HTR3B: variants seen among roughly 807,000 people sequenced by gnomAD.
The protein encoded by HTR3B is 5-hydroxytryptamine (serotonin) receptor 3B, ionotropic.
Under a neutral mutation model 42.8 loss-of-function variants are expected in HTR3B, and 44 were observed. That is an observed-to-expected ratio of 1.03 (90% confidence interval 0.81 to 1.32). The LOEUF (loss-of-function observed/expected upper bound fraction) is 1.32, where lower values mean the gene tolerates loss of function less well. Ranked by LOEUF, HTR3B falls within the 40% of genes most tolerant of loss-of-function variation. The pLI is 0.00. For synonymous variants in HTR3B, 203 were observed against 209.0 expected (o/e 0.97, Z 0.25); for missense variants, 527 against 536.5 (o/e 0.98, Z 0.17).
rs1340828652 is a variant in HTR3B at position 113,944,548 on chromosome 11, C to G, written c.908-25C>G. ...TGCTGCATTTCAGACTGGAGGCTAA[C>G]TGCACCTCTTCTGGCTTCTCTCAGG... On this transcript the variant is annotated intron_variant, in intron 7 of 8. Coordinates refer to ENST00000260191, the MANE Select transcript of HTR3B (RefSeq NM_006028.5). The G allele has an allele frequency of 8.1e-6, 13 of 1,606,352 alleles. No individual in the cohort carries two copies. In the Middle Eastern group the frequency reaches 6.6e-4, roughly 82 times the overall value.
intron 7 of HTR3B, among the ~76,000 whole-genome samples, chr11:113,943,859 G>A (rs1287491620): frequency 6.6e-6 from 1 of 151,076 alleles, no homozygotes; most frequent in Non-Finnish European, 1.5e-5. Context: ...AAGAAAGAGA[G>A]AAAGAGAGAA....
intron 2 of HTR3B, among the ~76,000 whole-genome samples, chr11:113,927,350 C>G (rs1949985486): frequency 6.6e-6 from 1 of 152,026 alleles, no homozygotes; most frequent in African/African-American, 2.4e-5. Flanking sequence ...TGTGGGACAG[C>G]TTGGTAACTT....
intron 2 of HTR3B, among the ~76,000 whole-genome samples, chr11:113,928,234 C>T (rs1055863940): frequency 1.3e-5 from 2 of 152,170 alleles, no homozygotes; most frequent in South Asian, 2.1e-4. Context: ...TTTATGGCTG[C>T]ATGGTATTCC....
At position 113,926,468 on chromosome 11, in the gene HTR3B, TTTTCCTTTCCTTTCC is replaced by T. The variant is rs59706001; in HGVS notation, c.214-4862_214-4848del. Among the ~76,000 whole-genome samples the T allele has an allele frequency of 8.5e-3, 682 of 80,306 alleles. 2 individuals carry two copies. Among genetic ancestry groups the T allele is most frequent in the African/African-American group, 0.026 (499 of 19,238 alleles). The allele number at this position is 80,306 out of a possible 152,430, so 52.7% of individuals were successfully genotyped here. On this transcript the variant is annotated intron_variant, in intron 2 of 8. Coordinates refer to ENST00000260191, the MANE Select transcript of HTR3B (RefSeq NM_006028.5). ...ACTGCTTTTCCTTTCCTTTCCTTTC[TTTTCCTTTCCTTTCC>T]TTTCCTTTCCTTTCCTTTCCTTTCC...
intron 6 of HTR3B, among the ~76,000 whole-genome samples, chr11:113,942,382 T>C (rs1052383698): frequency 6.6e-6 from 1 of 152,170 alleles, no homozygotes; most frequent in African/African-American, 2.4e-5. Context: ...GAGAATTGCT[T>C]GAGCCTGGGA....
At chr11:113,908,139 C>T (rs1949747723) in intron 1 of HTR3B, among the ~76,000 whole-genome samples, 1 of 152,174 alleles carries the variant, frequency 6.6e-6, no homozygotes, top group Admixed American at 6.5e-5. Flanking sequence ...GTGTATATTG[C>T]ACTGCCCACA....
At chr11:113,922,557 ATT>A (rs1189204923) in intron 2 of HTR3B, among the ~76,000 whole-genome samples, 14 of 150,030 alleles carry the variant, frequency 9.3e-5, no homozygotes, top group Non-Finnish European at 1.6e-4. Flanking sequence ...TATTTTATTT[ATT>A]TATTTTTTCT....
At chr11:113,906,278 GT>G (rs1274948169) in intron 1 of HTR3B, among the ~76,000 whole-genome samples, 34 of 152,210 alleles carry the variant, frequency 2.2e-4, no homozygotes, top group Middle Eastern at 3.4e-3. Context: ...AAGATGATTT[GT>G]TAAGTGTAAG....
intron 6 of HTR3B, among the ~76,000 whole-genome samples, chr11:113,934,270 C>T (rs1950066942): frequency 6.6e-6 from 1 of 151,856 alleles, no homozygotes; most frequent in South Asian, 2.1e-4. Flanking sequence ...GCATGAGAAT[C>T]GCTTGAAGCC....
chr11:113,940,434 C>T (rs1207868412), intron 6 of HTR3B, among the ~76,000 whole-genome samples: 1 of 152,192 alleles, frequency 6.6e-6, no homozygotes, highest in East Asian at 1.9e-4. Context: ...TTCCCTTTTT[C>T]CTGCCCCCAC....
chr11:113,935,334 A>G (rs1950082562), intron 6 of HTR3B, among the ~76,000 whole-genome samples: 1 of 151,830 alleles, frequency 6.6e-6, no homozygotes, highest in Non-Finnish European at 1.5e-5. Flanking sequence ...ATTTGATTTC[A>G]TGCTCTTGGA....
chr11:113,912,306 C>G (rs745744059), intron 2 of HTR3B, among the ~76,000 whole-genome samples: 7 of 152,084 alleles, frequency 4.6e-5, no homozygotes. Flanking sequence ...TGCAGTGGCA[C>G]GATCTCGGCT....
rs547783762 is a variant in HTR3B at position 113,926,381 on chromosome 11, TTC to T, written c.214-5001_214-5000del. 1.6e-3 allele frequency among the ~76,000 whole-genome samples: 242 copies of T among 152,234 alleles called. 2 individuals are homozygous for T. The highest frequency in any genetic ancestry group is 2.0e-3 in the Non-Finnish European group (133 of 68,024). On this transcript the variant is annotated intron_variant, in intron 2 of 8. Coordinates refer to ENST00000260191, the MANE Select transcript of HTR3B (RefSeq NM_006028.5). ...TTCTTCAGTTCTCGTGGTTATATAC[TTC>T]TGAGTAGAATTGTTGCATTATATGA... is the stretch of plus-strand genomic sequence containing the variant.
chr11:113,914,280 C>G (rs1301503979), intron 2 of HTR3B, among the ~76,000 whole-genome samples: 1 of 151,548 alleles, frequency 6.6e-6, no homozygotes, highest in African/African-American at 2.4e-5. Flanking sequence ...CCAGCCTCAA[C>G]GTGGAGAAAC....
intron 1 of HTR3B, among the ~76,000 whole-genome samples, chr11:113,907,567 A>G (rs1266169209): frequency 6.6e-6 from 1 of 152,064 alleles, no homozygotes; most frequent in Non-Finnish European, 1.5e-5. Flanking sequence ...TTTTGTTCCT[A>G]GTCCTAGCTT....
intron 2 of HTR3B, among the ~76,000 whole-genome samples, chr11:113,927,047 T>C (rs983050929): frequency 2.0e-5 from 3 of 152,244 alleles, no homozygotes; most frequent in African/African-American, 7.2e-5. Context: ...TGGCCATTTG[T>C]ATATCTCCTT....
rs569873480 is a variant in HTR3B, at chr11:113,929,219, T to C, written c.214-2165T>C. ...AAAAAACAGTCGCCATTCTAATGAGTGTGAGTTTGTATCTCATTGTGGTTT... is the reference window on the plus strand; with the variant it reads ...AAAAAACAGTCGCCATTCTAATGAGCGTGAGTTTGTATCTCATTGTGGTTT... On this transcript the variant is annotated intron_variant, in intron 2 of 8. Transcript: ENST00000260191. Among the ~76,000 whole-genome samples the C allele has an allele frequency of 2.0e-5, 3 of 152,338 alleles. No homozygotes were observed. In the South Asian group the frequency reaches 6.2e-4, roughly 32 times the overall value.
At chr11:113,922,935 G>T (rs1949931238) in intron 2 of HTR3B, among the ~76,000 whole-genome samples, 2 of 152,308 alleles carry the variant, frequency 1.3e-5, no homozygotes, top group Admixed American at 6.5e-5. Context: ...CTTGAGGGAA[G>T]GACTTTCTTA....
chr11:113,943,222 A>G, intron 7 of HTR3B, 30 bp downstream of exon 7: 1 of 1,519,980 alleles, frequency 6.6e-7, no homozygotes, highest in Non-Finnish European at 9.1e-7. Flanking sequence ...CTGGACACTC[A>G]TCTTACATGA....
Sources: allele counts gnomAD v4.1 joint callset (sites outside exome capture counted in the v4.1 genomes callset), GRCh38; gene constraint gnomAD v4.1.1; transcripts MANE v1.5; gene names NCBI Gene and HGNC (gene_info 2026-07-23, HGNC 2026-07-21).